Variants in COBL observed in about 807,000 individuals in gnomAD.
COBL encodes cordon-bleu WH2 repeat protein.
A neutral mutation model predicts 98.8 loss-of-function variants in COBL; 51 were observed. That is an observed-to-expected ratio of 0.52 (90% CI 0.41 to 0.65). The LOEUF is 0.65. Ranked by LOEUF, COBL falls within the 30% of genes least tolerant of loss-of-function variation. The probability of loss-of-function intolerance (pLI) is 0.00; values close to 1 mark genes in which losing one functional copy is unlikely to be tolerated. For synonymous variants in COBL, 634 were observed against 651.7 expected, an observed-to-expected ratio of 0.97 and a Z score of 0.41; for missense variants, 1,617 against 1,617.5, an observed-to-expected ratio of 1.00 and a Z score of 0.01.
In COBL at chr7:51,035,766, CAT is replaced by C. The variant is rs1361949778; in HGVS notation, c.1407-4859_1407-4858del. ...GATGTATATTTTACACTTAACAGCACATGTCAATTTGGACCAGACACTTGGCA... is the reference window on the plus strand; with the variant it reads ...GATGTATATTTTACACTTAACAGCACGTCAATTTGGACCAGACACTTGGCA... On this transcript the variant is annotated intron_variant, in intron 8 of 12. Coordinates refer to ENST00000265136, the MANE Select transcript of COBL (RefSeq NM_015198.5). 2.0e-5 allele frequency: 3 copies of C among 152,174 alleles called. No homozygotes were observed. The East Asian group carries it at 5.8e-4, about 29-fold the overall frequency. The allele number at this position is 152,174 out of a possible 1,614,324, so 9.4% of individuals were successfully genotyped here.
chr7:51,211,363 T>C (rs1248267190), intron 2 of COBL, among the ~76,000 whole-genome samples: 1 of 152,242 alleles, frequency 6.6e-6, no homozygotes, highest in African/African-American at 2.4e-5. Context: ...TGGGGCTGAC[T>C]GCATCCTCTG....
chr7:51,210,278 T>C (rs1792287904), intron 2 of COBL, among the ~76,000 whole-genome samples: 1 of 149,362 alleles, frequency 6.7e-6, no homozygotes, highest in African/African-American at 2.6e-5. Context: ...CAAATTTAAA[T>C]TGGGGGGAGG....
intron 2 of COBL, among the ~76,000 whole-genome samples, chr7:51,197,762 T>C (rs997518010): frequency 1.3e-5 from 2 of 152,254 alleles, no homozygotes; most frequent in Non-Finnish European, 2.9e-5. Context: ...TTTACCATTA[T>C]GTAATGCCCT....
chr7:51,310,466 G>T (rs1192890226), intron 1 of COBL, among the ~76,000 whole-genome samples: 1 of 152,330 alleles, frequency 6.6e-6, no homozygotes, highest in East Asian at 1.9e-4. Flanking sequence ...TCTGAATCAG[G>T]GAAGGATGCC....
rs145163623 is a variant in COBL, at chr7:51,312,095, G to A, written c.41+4498C>T. The stretch of plus-strand genomic sequence containing the variant: ...TCCCAGCACTTTGGGAGGCCAAGGC[G>A]GGCGGATCACAAGGTTAGGAGTTCA... On this transcript the variant is annotated intron_variant, in intron 1 of 12. Coordinates refer to ENST00000265136, the MANE Select transcript of COBL (RefSeq NM_015198.5). 7.7e-3 allele frequency among the ~76,000 whole-genome samples: 1,174 copies of A among 152,068 alleles called. 61 individuals are homozygous for A. In the South Asian group the frequency reaches 0.14, roughly 17 times the overall value.
intron 5 of COBL, among the ~76,000 whole-genome samples, chr7:51,173,174 AGTTTTTT>A (rs138256083): frequency 0.022 from 3,309 of 151,942 alleles, 118 homozygotes; most frequent in South Asian, 0.14. Flanking sequence ...AGGACTTCAA[AGTTTTTT>A]GTTTTTTGTT....
intron 6 of COBL, among the ~76,000 whole-genome samples, chr7:51,118,352 C>A (rs1172918961): frequency 6.6e-6 from 1 of 152,000 alleles, no homozygotes; most frequent in African/African-American, 2.4e-5. Flanking sequence ...TGTCAGCAGG[C>A]TGTGTTTCTA....
intron 12 of COBL, among the ~76,000 whole-genome samples, chr7:51,021,743 A>G (rs1786959584): frequency 6.6e-6 from 1 of 152,226 alleles, no homozygotes; most frequent in Admixed American, 6.5e-5. Flanking sequence ...CTATGAAGAC[A>G]ATATAACCTC....
intron 2 of COBL, among the ~76,000 whole-genome samples, chr7:51,194,920 C>T (rs1790453094): frequency 6.6e-6 from 1 of 151,836 alleles, no homozygotes; most frequent in South Asian, 2.1e-4. Context: ...GATATTAGAC[C>T]TTTGTCAGAT....
intron 6 of COBL, among the ~76,000 whole-genome samples, chr7:51,112,621 C>T (rs1430907063): frequency 6.6e-6 from 1 of 152,212 alleles, no homozygotes; most frequent in Non-Finnish European, 1.5e-5. Context: ...ATCCTCCCCT[C>T]ATTTAGGCCT....
intron 1 of COBL, among the ~76,000 whole-genome samples, chr7:51,236,751 G>A (rs1189323589): frequency 6.6e-6 from 1 of 152,164 alleles, no homozygotes; most frequent in Non-Finnish European, 1.5e-5. Flanking sequence ...CAGGTGCAAT[G>A]CGTAGTATAT....
At chr7:51,075,364 G>A (rs985148369) in intron 7 of COBL, among the ~76,000 whole-genome samples, 1 of 152,088 alleles carries the variant, frequency 6.6e-6, no homozygotes, top group African/African-American at 2.4e-5. Context: ...CACTGAATGC[G>A]GTGCTGTGAA....
At chr7:51,049,716 A>T (rs1219303314) in intron 7 of COBL, among the ~76,000 whole-genome samples, 1 of 152,194 alleles carries the variant, frequency 6.6e-6, no homozygotes, top group Non-Finnish European at 1.5e-5. Flanking sequence ...AAGATGGGAA[A>T]AAGCAGAGAA....
At chr7:51,156,546 C>A in intron 5 of COBL, 1 of 985,032 alleles carries the variant, frequency 1.0e-6, no homozygotes, top group Non-Finnish European at 1.2e-6. Flanking sequence ...TATATCATCT[C>A]GGATGGCAAA....
chr7:51,257,165 C>T (rs904015681), intron 1 of COBL, among the ~76,000 whole-genome samples: 1 of 152,098 alleles, frequency 6.6e-6, no homozygotes, highest in African/African-American at 2.4e-5. Context: ...GAAGACAGAT[C>T]CAGAGAACCA....
chr7:51,038,560 G>C (rs1191667716), intron 8 of COBL, among the ~76,000 whole-genome samples: 2 of 152,222 alleles, frequency 1.3e-5, no homozygotes, highest in African/African-American at 4.8e-5. Context: ...TAGCGAGGTA[G>C]ACCTTACACA....
intron 1 of COBL, among the ~76,000 whole-genome samples, chr7:51,267,532 G>A (rs570299934): frequency 2.0e-5 from 3 of 151,928 alleles, no homozygotes; most frequent in Non-Finnish European, 4.4e-5. Flanking sequence ...CATGTTACTA[G>A]TATATTGAGA....
chr7:51,217,366 A>C (rs563666994), intron 2 of COBL, among the ~76,000 whole-genome samples: 214 of 95,684 alleles, frequency 2.2e-3, no homozygotes, highest in South Asian at 3.8e-3. Flanking sequence ...TTTGAGATGG[A>C]GTTTCTCTCT....
chr7:51,032,464 A>T (rs1399713286), intron 8 of COBL: 1 of 152,248 alleles, frequency 6.6e-6, no homozygotes, highest in Non-Finnish European at 1.5e-5. Context: ...AAAATTGAGG[A>T]CCAATTTCCA....
Sources: allele counts gnomAD v4.1 joint callset (sites outside exome capture counted in the v4.1 genomes callset), GRCh38; gene constraint gnomAD v4.1.1; transcripts MANE v1.5; gene names NCBI Gene and HGNC (gene_info 2026-07-23, HGNC 2026-07-21).